Variants in PLEKHG4B observed in about 807,000 individuals in gnomAD.
PLEKHG4B encodes pleckstrin homology domain-containing family G member 4B.
A neutral mutation model predicts 121.3 loss-of-function variants in PLEKHG4B; 111 were observed. The observed-to-expected ratio is 0.92, with a 90% CI of 0.78 to 1.07. The LOEUF is 1.07. Among genes scored for constraint, PLEKHG4B ranks in the 50% least tolerant of loss-of-function variants. The pLI is 0.00. For missense variants in PLEKHG4B, 1,831 were observed against 1,757.8 expected, an observed-to-expected ratio of 1.04 and a Z score of -0.74; for synonymous variants, 738 against 725.0, an observed-to-expected ratio of 1.02 and a Z score of -0.29.
At chr5:145,186 C>T (rs1472612001) in intron 6 of PLEKHG4B, among the ~76,000 whole-genome samples, 1 of 152,234 alleles carries the variant, frequency 6.6e-6, no homozygotes, top group Non-Finnish European at 1.5e-5. Context: ...CTCAGGGCAA[C>T]TGCAAACCTA....
chr5:164,599 A>G (rs430004), intron 13 of PLEKHG4B, among the ~76,000 whole-genome samples: 20,610 of 94,306 alleles, frequency 0.22, 5,165 homozygotes, highest in South Asian at 0.37. Context: ...GCTGTGACGG[A>G]GCGGAGCTCA....
At chr5:165,508 GGGCTC>G in intron 13 of PLEKHG4B, among the ~76,000 whole-genome samples, 1 of 58,320 alleles carries the variant, frequency 1.7e-5, no homozygotes, top group Non-Finnish European at 3.6e-5. Context: ...TGACGGGGCG[GGGCTC>G]ACACTAATGC....
At chr5:165,619 G>A (rs1350559748) in intron 13 of PLEKHG4B, among the ~76,000 whole-genome samples, 2 of 39,330 alleles carry the variant, frequency 5.1e-5, no homozygotes, top group Non-Finnish European at 1.3e-4. Flanking sequence ...CTGACGGGGC[G>A]GAGCTCACAC....
intron 12 of PLEKHG4B, 68 bp from the exon 13 acceptor site, chr5:162,654 A>G (rs1012952333): frequency 2.6e-6 from 3 of 1,171,104 alleles, no homozygotes; most frequent in Non-Finnish European, 3.3e-6. Flanking sequence ...GGGGAACAGC[A>G]GGGCCTGAGC....
rs376163693 is a variant in PLEKHG4B, at chr5:143,136, C to T, written c.1567C>T (p.Gln523Ter). Residue 523 changes from glutamine (Q) to a stop codon, truncating the protein, a stop_gained, in exon 4 of 20, where the codon CAG (glutamine) becomes TAG (stop). Coordinates refer to ENST00000637938, the MANE Select transcript of PLEKHG4B (RefSeq NM_052909.5). LOFTEE classifies it high-confidence loss of function. ...PSGPSDVPAR[Q>*]PHPEQEGWPP... Reference sequence around the variant, plus strand: ...CGGGCCTTCCGATGTGCCTGCCCGGCAGCCACACCCCGAGCAAGAAGGGTG... The same window carrying T: ...CGGGCCTTCCGATGTGCCTGCCCGGTAGCCACACCCCGAGCAAGAAGGGTG... 3 of 1,612,722 alleles carry T rather than the reference C, an allele frequency of 1.9e-6. No homozygotes were observed. Among genetic ancestry groups the T allele is most frequent in the South Asian group, 2.2e-5 (2 of 91,084 alleles).
intron 2 of PLEKHG4B, among the ~76,000 whole-genome samples, chr5:133,941 C>CACACACACACAT (rs34900477): frequency 2.3e-4 from 34 of 146,284 alleles, no homozygotes; most frequent in African/African-American, 4.1e-4. Flanking sequence ...CACACACACA[C>CACACACACACAT]ATATATATAT....
chr5:163,151 C>T lies in PLEKHG4B; in HGVS notation c.3079C>T (p.Arg1027Cys), dbSNP rs3810867. The T allele has an allele frequency of 3.5e-4, 537 of 1,551,174 alleles. 2 individuals are homozygous for T. Among genetic ancestry groups the T allele is most frequent in the Non-Finnish European group, 4.3e-4 (495 of 1,149,182 alleles). Residue 1027 changes from arginine to cysteine, a missense_variant, in exon 13 of 20, where the codon CGC (arginine) becomes TGC (cysteine). Transcript: ENST00000637938. ...LLCGQDGETL[R>C]PGLCALWDPL... ...GTGTGGACAGGACGGGGAGACCCTG[C>T]GCCCAGGGCTGTGTGCTCTGTGGGA... is the stretch of plus-strand genomic sequence containing the variant.
At chr5:101,546 A>G (rs2126335981) in intron 1 of PLEKHG4B, among the ~76,000 whole-genome samples, 1 of 133,058 alleles carries the variant, frequency 7.5e-6, no homozygotes, top group South Asian at 2.2e-4. Flanking sequence ...TAATCCATAT[A>G]AAGCTCTGGA....
In PLEKHG4B at chr5:156,992, C is replaced by A; in HGVS notation, c.2487+81C>A. 6.5e-7 allele frequency: 1 copy of A among 1,541,260 alleles called. No individual in the cohort carries two copies. Among genetic ancestry groups the A allele is most frequent in the African/African-American group, 1.4e-5 (1 of 73,344 alleles). ...CCAAGGCAACCCTCTCACCTTCACA[C>A]TGTGTCTTTAGGGCCTTGATCTGAT... On this transcript the variant is annotated intron_variant, in intron 11 of 19. Coordinates refer to ENST00000637938, the MANE Select transcript of PLEKHG4B (RefSeq NM_052909.5). The surrounding 1 kb of genome is among the most constrained non-coding windows in gnomAD (Gnocchi z 4.4).
chr5:161,815 G>C lies in PLEKHG4B; in HGVS notation c.2520G>C (p.Lys840Asn), dbSNP rs368788367. Residue 840 changes from lysine to asparagine, a missense_variant, in exon 12 of 20, where the codon AAG (lysine) becomes AAC (asparagine). Physicochemically the swap from Lys to Asn is moderately conservative, Grantham distance 94. Coordinates refer to ENST00000637938, the MANE Select transcript of PLEKHG4B (RefSeq NM_052909.5). ...GCCAGAAAGGACTACAGCTGGCGAA[G>C]GAGAACCCGCAACGTACAGAGGAAA... ...QSCQKGLQLA[K>N]ENPQRTEEMV... The C allele has an allele frequency of 1.9e-6, 3 of 1,613,750 alleles. No individual in the cohort carries two copies. The highest frequency in any genetic ancestry group is 2.5e-6 in the Non-Finnish European group (3 of 1,180,042).
chr5:122,401 T>TTTAA (rs1734494472), intron 2 of PLEKHG4B, among the ~76,000 whole-genome samples: 1 of 108,478 alleles, frequency 9.2e-6, no homozygotes, highest in East Asian at 2.0e-4. Flanking sequence ...TGCCCTTTAT[T>TTTAA]TTTATTTATT....
At chr5:180,457 T>G (rs1406531157) in intron 18 of PLEKHG4B, among the ~76,000 whole-genome samples, 1 of 152,164 alleles carries the variant, frequency 6.6e-6, no homozygotes, top group African/African-American at 2.4e-5. Flanking sequence ...AGCTCCAAGA[T>G]GAGCTCTCTG....
At chr5:181,825 C>T (rs560512159) in intron 19 of PLEKHG4B, 150 bp downstream of exon 19, 1 of 1,302,658 alleles carries the variant, frequency 7.7e-7, no homozygotes, top group Non-Finnish European at 1.1e-6. Context: ...GTGGCCTCGG[C>T]CCCGCCCTCA....
At chr5:102,343 G>T (rs144107043) in intron 1 of PLEKHG4B, among the ~76,000 whole-genome samples, 167 of 151,746 alleles carry the variant, frequency 1.1e-3, no homozygotes, top group African/African-American at 3.9e-3. Flanking sequence ...ACTATATTTT[G>T]TAAATGGAAG....
intron 13 of PLEKHG4B, among the ~76,000 whole-genome samples, chr5:166,521 CACACTAATG>C: frequency 7.8e-6 from 1 of 127,994 alleles, no homozygotes; most frequent in Non-Finnish European, 1.8e-5. Flanking sequence ...GGGCGGAGCT[CACACTAATG>C]CTCTGACGGG....
intron 14 of PLEKHG4B, among the ~76,000 whole-genome samples, 164 bp from the exon 15 acceptor site, chr5:170,879 A>T (rs1736520044): frequency 6.6e-6 from 1 of 152,168 alleles, no homozygotes; most frequent in South Asian, 2.1e-4. Flanking sequence ...ATACTCTGAT[A>T]GTCTTTAATG....
At chr5:121,275 C>T (rs3929073) in intron 2 of PLEKHG4B, among the ~76,000 whole-genome samples, 8 of 151,674 alleles carry the variant, frequency 5.3e-5, no homozygotes, top group African/African-American at 1.9e-4. Flanking sequence ...AAATGGAAAT[C>T]TCCAAACTAA....
Position 163,069 on chromosome 5 carries a change from G to A in PLEKHG4B, c.2997G>A (p.Gly999=), listed in dbSNP as rs1280229012. Residue 999 remains glycine (G), a synonymous_variant, in exon 13 of 20, where the codon GGG becomes GGA. Coordinates refer to ENST00000637938, the MANE Select transcript of PLEKHG4B (RefSeq NM_052909.5). ...CCTCATTCCCCAGCACGGACAGTGGGGGTGGTGCCTGGGAACCTGCGCAAC... is the reference window on the plus strand; with the variant it reads ...CCTCATTCCCCAGCACGGACAGTGGAGGTGGTGCCTGGGAACCTGCGCAAC... ...KPPSFPSTDS[G]GGAWEPAQPL... 14 of 1,561,664 alleles carry A rather than the reference G, an allele frequency of 9.0e-6. No individual in the cohort carries two copies. The highest frequency in any genetic ancestry group is 6.8e-5 in the African/African-American group (5 of 73,508).
intron 1 of PLEKHG4B, among the ~76,000 whole-genome samples, chr5:96,946 A>T (rs1384995587): frequency 6.6e-6 from 1 of 152,254 alleles, no homozygotes; most frequent in African/African-American, 2.4e-5. Context: ...TACATAACGT[A>T]AAATCAACCA....
Sources: gnomAD v4.1 joint callset for allele counts (sites outside exome capture counted in the v4.1 genomes callset) on GRCh38, gnomAD v4.1.1 for gene constraint, Gnocchi (gnomAD v3.1) non-coding constraint, MANE v1.5 for transcripts, NCBI Gene and HGNC (gene_info 2026-07-23, HGNC 2026-07-21) for gene names.